ERG: variants seen among roughly 807,000 people sequenced by gnomAD.
The protein encoded by ERG is transcriptional regulator ERG.
A neutral mutation model predicts 55.3 loss-of-function variants in ERG; 9 were observed. That is an observed-to-expected ratio of 0.16 (90% CI 0.10 to 0.28). The LOEUF is 0.28. Ranked by LOEUF, ERG falls within the 10% of genes least tolerant of loss-of-function variation. The pLI is 1.00. For missense variants in ERG, 434 were observed against 631.6 expected (o/e 0.69, Z 3.35); for synonymous variants, 223 against 237.3 (o/e 0.94, Z 0.55).
Position 38,383,573 on chromosome 21 carries a change from G to A in ERG, c.1270C>T (p.His424Tyr). The A allele has an allele frequency of 1.2e-6, 2 of 1,603,640 alleles. No homozygotes were observed. Among genetic ancestry groups the A allele is most frequent in the South Asian group, 2.2e-5 (2 of 90,552 alleles). ...DLPYMGSYHA[H>Y]PQKMNFVAPH... ...GCCACAAAGTTCATCTTCTGTGGGT[G>A]GGCGTGATAGGAGCCCATGTACGGG... The change falls in exon 10 of 10, where the codon CAC (histidine) becomes TAC (tyrosine). Residue 424 changes from histidine (H) to tyrosine (Y), a missense_variant. His to Tyr is a moderately conservative substitution (Grantham distance 83, BLOSUM62 2). Transcript: ENST00000288319. This position sits in a 1 kb window ranked among gnomAD's most constrained non-coding sequence, Gnocchi z 5.7.
chr21:38,400,089 T>C (rs1988414956), intron 6 of ERG: 1 of 318,384 alleles, frequency 3.1e-6, no homozygotes. Context: ...ATGAATGGCA[T>C]GTAAATTTAT....
At chr21:38,493,921 A>T (rs550409516) in intron 1 of ERG, among the ~76,000 whole-genome samples, 8 of 152,198 alleles carry the variant, frequency 5.3e-5, no homozygotes, top group African/African-American at 2.4e-5. Context: ...GGCCGTGGGA[A>T]ATGTTGAGAC....
chr21:38,638,886 C>T (rs1366985224), intron 1 of ERG, among the ~76,000 whole-genome samples: 1 of 152,112 alleles, frequency 6.6e-6, no homozygotes, highest in Admixed American at 6.6e-5. Flanking sequence ...GGTTCCTCTC[C>T]AGAGAGAAAT....
intron 2 of ERG, among the ~76,000 whole-genome samples, chr21:38,560,250 C>CTA (rs1318466324): frequency 6.6e-6 from 1 of 152,202 alleles, no homozygotes; most frequent in East Asian, 1.9e-4. Context: ...AAGGAACCAG[C>CTA]TACATCCCTT....
At chr21:38,594,444 T>C (rs1355617581) in intron 1 of ERG, among the ~76,000 whole-genome samples, 1 of 152,102 alleles carries the variant, frequency 6.6e-6, no homozygotes, top group Non-Finnish European at 1.5e-5. Flanking sequence ...CATCAAAGCA[T>C]CCTTTAACAA....
At chr21:38,375,846 G>A (rs1411196343), downstream of ERG, among the ~76,000 whole-genome samples, 1 of 152,136 alleles carries the variant, frequency 6.6e-6, no homozygotes, top group African/African-American at 2.4e-5. Flanking sequence ...TAGTCCCACT[G>A]TCTTGCTCAT....
intron 3 of ERG, among the ~76,000 whole-genome samples, chr21:38,418,228 TG>T (rs1190128662): frequency 6.6e-6 from 1 of 151,774 alleles, no homozygotes; most frequent in Non-Finnish European, 1.5e-5. Flanking sequence ...ATGTTAATAA[TG>T]TAAAATTTCC....
intron 1 of ERG, among the ~76,000 whole-genome samples, chr21:38,608,301 A>T (rs1335075061): frequency 6.6e-6 from 1 of 152,208 alleles, no homozygotes; most frequent in Non-Finnish European, 1.5e-5. Flanking sequence ...AACAAAAAGA[A>T]AGCTGGAATA....
upstream of ERG, among the ~76,000 whole-genome samples, chr21:38,586,971 T>A (rs1280940699): frequency 1.3e-5 from 2 of 152,138 alleles, no homozygotes. Context: ...AGAAGAGAAA[T>A]CCTGTCATTT....
chr21:38,368,386 G>T, the ERG span, among the ~76,000 whole-genome samples: 2 of 137,920 alleles, frequency 1.5e-5, no homozygotes, highest in Non-Finnish European at 3.2e-5. Context: ...CAGTGAGTTT[G>T]TTAGTTTCAT....
chr21:38,456,591 C>A (rs1355404418), intron 1 of ERG, among the ~76,000 whole-genome samples: 2 of 21,960 alleles, frequency 9.1e-5, no homozygotes, highest in Non-Finnish European at 2.0e-4. Flanking sequence ...CTTTCTATCC[C>A]CATCCCCATC....
At chr21:38,624,589 C>T (rs1362982250) in intron 1 of ERG, among the ~76,000 whole-genome samples, 4 of 152,170 alleles carry the variant, frequency 2.6e-5, no homozygotes, top group South Asian at 2.1e-4. Flanking sequence ...TGTCCACCTC[C>T]GTTCACAGCG....
At chr21:38,610,454 A>G (rs1454204649) in intron 1 of ERG, among the ~76,000 whole-genome samples, 1 of 152,146 alleles carries the variant, frequency 6.6e-6, no homozygotes, top group Non-Finnish European at 1.5e-5. Flanking sequence ...CTGGGCCCAA[A>G]TCCATCCACT....
chr21:38,599,182 A>T (rs922477815), intron 1 of ERG, among the ~76,000 whole-genome samples: 4 of 152,080 alleles, frequency 2.6e-5, no homozygotes, highest in African/African-American at 9.7e-5. Context: ...GGGCACACTG[A>T]GCTTCCATCC....
chr21:38,470,326 G>T (rs74865278), intron 1 of ERG, among the ~76,000 whole-genome samples: 17,700 of 151,990 alleles, frequency 0.12, 1,124 homozygotes, highest in South Asian at 0.18. Context: ...TCAAAAAGAT[G>T]ACCTAACTCA....
chr21:38,528,146 C>T (rs1002487004), intron 2 of ERG, among the ~76,000 whole-genome samples: 12 of 151,980 alleles, frequency 7.9e-5, no homozygotes, highest in Non-Finnish European at 1.2e-4. Context: ...GTTCACATGG[C>T]CTTCTCCTCA....
chr21:38,392,213 G>T, intron 7 of ERG, 163 bp downstream of exon 7: 1 of 718,522 alleles, frequency 1.4e-6, no homozygotes, highest in South Asian at 1.5e-5. Flanking sequence ...AATGGAGAAA[G>T]AATCACTGCA....
At chr21:38,595,818 C>A (rs1212712989) in intron 1 of ERG, among the ~76,000 whole-genome samples, 1 of 152,162 alleles carries the variant, frequency 6.6e-6, no homozygotes, top group African/African-American at 2.4e-5. Context: ...TTCCCACACA[C>A]CTGCCTGGTG....
At chr21:38,448,698 C>G (rs1173548947) in intron 1 of ERG, among the ~76,000 whole-genome samples, 5 of 152,206 alleles carry the variant, frequency 3.3e-5, no homozygotes, top group Non-Finnish European at 7.3e-5. Flanking sequence ...AACCAAGGCA[C>G]AGCCCTGCCA....
Sources: gnomAD v4.1 joint callset for allele counts (sites outside exome capture counted in the v4.1 genomes callset) on GRCh38, gnomAD v4.1.1 for gene constraint, Gnocchi (gnomAD v3.1) non-coding constraint, MANE v1.5 for transcripts, NCBI Gene and HGNC (gene_info 2026-07-23, HGNC 2026-07-21) for gene names.